The following MAGI2 variants were observed in gnomAD, a reference collection of about 807,000 sequenced individuals.
MAGI2 encodes the protein membrane associated guanylate kinase, WW and PDZ domain containing 2.
A neutral mutation model predicts 133.3 loss-of-function variants in MAGI2; 35 were observed. The ratio of observed to expected loss-of-function variants is 0.26; its 90% CI spans 0.20 to 0.35. MAGI2 has a LOEUF of 0.35. Ranked by LOEUF, MAGI2 falls within the 10% of genes least tolerant of loss-of-function variation. The pLI is 1.00. For missense variants in MAGI2, 1,636 were observed against 1,863.4 expected, an observed-to-expected ratio of 0.88 and a Z score of 2.25; for synonymous variants, 729 against 710.6, an observed-to-expected ratio of 1.03 and a Z score of -0.41.
At chr7:78,942,282 AT>A (rs1025015467) in intron 2 of MAGI2, among the ~76,000 whole-genome samples, 1 of 151,920 alleles carries the variant, frequency 6.6e-6, no homozygotes, top group Non-Finnish European at 1.5e-5. Flanking sequence ...CTGTCACTTT[AT>A]TTTTTTAAAC....
At chr7:79,242,524 A>G (rs1283123728) in intron 1 of MAGI2, among the ~76,000 whole-genome samples, 1 of 152,226 alleles carries the variant, frequency 6.6e-6, no homozygotes, top group Non-Finnish European at 1.5e-5. Flanking sequence ...ATACTACTTT[A>G]GAGTTTCTAC....
At chr7:78,801,824 A>T (rs1788082372) in intron 2 of MAGI2, among the ~76,000 whole-genome samples, 1 of 152,106 alleles carries the variant, frequency 6.6e-6, no homozygotes, top group Non-Finnish European at 1.5e-5. Flanking sequence ...CCATCTTATA[A>T]GATAGATGCT....
intron 1 of MAGI2, among the ~76,000 whole-genome samples, chr7:79,047,777 C>G (rs1812314427): frequency 6.6e-6 from 1 of 152,048 alleles, no homozygotes; most frequent in Non-Finnish European, 1.5e-5. Flanking sequence ...TTATAAGGGT[C>G]TCTAATGAAG....
At chr7:79,308,593 T>A (rs1472075319) in intron 1 of MAGI2, among the ~76,000 whole-genome samples, 3 of 152,236 alleles carry the variant, frequency 2.0e-5, no homozygotes, top group Non-Finnish European at 2.9e-5. Flanking sequence ...AGGACATATC[T>A]ATTGAGACAG....
At chr7:78,291,638 A>G (rs1796717646) in intron 9 of MAGI2, among the ~76,000 whole-genome samples, 1 of 152,186 alleles carries the variant, frequency 6.6e-6, no homozygotes, top group African/African-American at 2.4e-5. Flanking sequence ...GAAAAAGAGA[A>G]TTTTAGACCA....
chr7:78,263,309 AT>A (rs1278262856), intron 9 of MAGI2, among the ~76,000 whole-genome samples: 1 of 152,062 alleles, frequency 6.6e-6, no homozygotes, highest in Non-Finnish European at 1.5e-5. Context: ...TGGCAGAACG[AT>A]TTATTTTCTT....
intron 21 of MAGI2, among the ~76,000 whole-genome samples, chr7:78,067,277 T>A (rs1490267657): frequency 6.6e-6 from 1 of 152,204 alleles, no homozygotes; most frequent in Admixed American, 6.5e-5. Context: ...TTTACTGGGC[T>A]TGGAAGATAC....
At chr7:78,572,805 G>C (rs1398736866) in intron 3 of MAGI2, among the ~76,000 whole-genome samples, 1 of 151,506 alleles carries the variant, frequency 6.6e-6, no homozygotes, top group African/African-American at 2.4e-5. Context: ...TGGGATTACA[G>C]GCATGTGCCA....
chr7:78,155,905 T>C (rs973813582), intron 16 of MAGI2, among the ~76,000 whole-genome samples: 1 of 152,206 alleles, frequency 6.6e-6, no homozygotes, highest in Non-Finnish European at 1.5e-5. Flanking sequence ...AACTCCCAGT[T>C]TCCCAATTAG....
At chr7:78,173,651 G>A (rs1259247228) in intron 14 of MAGI2, among the ~76,000 whole-genome samples, 10 of 152,112 alleles carry the variant, frequency 6.6e-5, no homozygotes, top group Admixed American at 2.0e-4. Flanking sequence ...AATCTTTTCC[G>A]TGCTTAGGTT....
intron 15 of MAGI2, among the ~76,000 whole-genome samples, chr7:78,166,341 A>G (rs1037532027): frequency 3.9e-5 from 6 of 152,224 alleles, no homozygotes; most frequent in Non-Finnish European, 7.3e-5. Context: ...TAGAACATAC[A>G]GCACAGCAAA....
intron 1 of MAGI2, among the ~76,000 whole-genome samples, chr7:79,371,153 T>C (rs2129133657): frequency 6.6e-6 from 1 of 152,290 alleles, no homozygotes; most frequent in African/African-American, 2.4e-5. Flanking sequence ...TAACAGTTTA[T>C]TTATTCCTCT....
chr7:79,136,045 GAAGGAAAGAAAGAAAGAAAGAAGGAAA>G (rs1821463272), intron 1 of MAGI2, among the ~76,000 whole-genome samples: 4 of 128,864 alleles, frequency 3.1e-5, no homozygotes, highest in East Asian at 2.2e-4. Context: ...AAGAAAGAAA[GAAGGAAAGAAAGAAAGAAAGAAGGAAA>G]GAAAGAAAGA....
chr7:79,116,154 C>T (rs1190740714), intron 1 of MAGI2, among the ~76,000 whole-genome samples: 1 of 152,072 alleles, frequency 6.6e-6, no homozygotes, highest in African/African-American at 2.4e-5. Flanking sequence ...TCTTTTCCGT[C>T]AGTGTTTTAG....
intron 1 of MAGI2, among the ~76,000 whole-genome samples, chr7:79,421,887 G>A (rs963274575): frequency 5.3e-5 from 8 of 151,908 alleles, no homozygotes; most frequent in Non-Finnish European, 1.0e-4. Flanking sequence ...ATCATTTCTA[G>A]TCTCTATACC....
chr7:79,335,004 A>C (rs1840339466), intron 1 of MAGI2, among the ~76,000 whole-genome samples: 1 of 152,270 alleles, frequency 6.6e-6, no homozygotes, highest in African/African-American at 2.4e-5. Flanking sequence ...ATTCATGTTG[A>C]AATTTCTCAA....
At chr7:78,426,469 G>A (rs1799285825) in intron 6 of MAGI2, among the ~76,000 whole-genome samples, 1 of 152,034 alleles carries the variant, frequency 6.6e-6, no homozygotes, top group Non-Finnish European at 1.5e-5. Context: ...GGTGGGGGGA[G>A]CGCGGAGGGA....
In MAGI2 at chr7:78,911,664, GTATA is replaced by G. The variant is rs71973554; in HGVS notation, c.418+95422_418+95425del. Among the ~76,000 whole-genome samples the G allele has an allele frequency of 5.0e-3, 743 of 148,964 alleles. 4 individuals are homozygous for G. The highest frequency in any genetic ancestry group is 0.017 in the African/African-American group (692 of 40,726). On this transcript the variant is annotated intron_variant, in intron 2 of 21. Transcript: ENST00000354212. ...TTTTAAATTATAAAAAATTATGTGT[GTATA>G]TATATATATATATATTTTGTTATAA...
At chr7:79,157,008 C>T (rs1823842297) in intron 1 of MAGI2, among the ~76,000 whole-genome samples, 3 of 151,962 alleles carry the variant, frequency 2.0e-5, no homozygotes, top group African/African-American at 4.8e-5. Flanking sequence ...GTTGACAGTC[C>T]TTGATTTATT....
Sources: allele counts gnomAD v4.1 joint callset (sites outside exome capture counted in the v4.1 genomes callset), GRCh38; gene constraint gnomAD v4.1.1; transcripts MANE v1.5; gene names NCBI Gene and HGNC (gene_info 2026-07-23, HGNC 2026-07-21).